Variants in SCHIP1 observed in about 807,000 individuals in gnomAD.
SCHIP1 encodes schwannomin-interacting protein 1.
A neutral mutation model predicts 29.7 loss-of-function variants in SCHIP1; 8 were observed. The observed-to-expected ratio is 0.27, with a 90% CI of 0.16 to 0.49. The LOEUF is 0.49. Ranked by LOEUF, SCHIP1 falls within the 20% of genes least tolerant of loss-of-function variation. The pLI is 0.99. For synonymous variants in SCHIP1, 76 were observed against 94.9 expected, an observed-to-expected ratio of 0.80 and a Z score of 1.16; for missense variants, 193 against 294.6, an observed-to-expected ratio of 0.66 and a Z score of 2.52.
chr3:159,716,322 C>G, the SCHIP1 span, among the ~76,000 whole-genome samples: 1 of 152,222 alleles, frequency 6.6e-6, no homozygotes, highest in Non-Finnish European at 1.5e-5. Flanking sequence ...ACCATTGATG[C>G]TAGCAAGACA....
the SCHIP1 span, among the ~76,000 whole-genome samples, chr3:159,800,522 C>T: frequency 6.6e-6 from 1 of 152,168 alleles, no homozygotes; most frequent in Admixed American, 6.5e-5. Context: ...AGAACGTGAA[C>T]TTTGCATCAA....
chr3:159,465,272 A>G, the SCHIP1 span, among the ~76,000 whole-genome samples: 1 of 151,452 alleles, frequency 6.6e-6, no homozygotes, highest in East Asian at 1.9e-4. Context: ...TTTAATGTGC[A>G]TTGTAATGCT....
the SCHIP1 span, among the ~76,000 whole-genome samples, chr3:159,523,099 C>T: frequency 6.6e-6 from 1 of 152,178 alleles, no homozygotes; most frequent in Non-Finnish European, 1.5e-5. Context: ...TCTGTATTAA[C>T]TTGAAGCAAA....
intron 1 of SCHIP1, among the ~76,000 whole-genome samples, chr3:159,846,830 G>C (rs1325251324): frequency 6.6e-6 from 1 of 151,946 alleles, no homozygotes; most frequent in African/African-American, 2.4e-5. Flanking sequence ...CAAAGAGGGA[G>C]TAACCTTTGA....
At chr3:159,756,172 C>T in the SCHIP1 span, among the ~76,000 whole-genome samples, 4 of 152,258 alleles carry the variant, frequency 2.6e-5, no homozygotes, top group Admixed American at 6.5e-5. Context: ...CCCTTCCACA[C>T]TGCCATAGCA....
the SCHIP1 span, among the ~76,000 whole-genome samples, chr3:159,788,215 A>G: frequency 2.6e-5 from 4 of 152,144 alleles, no homozygotes; most frequent in Admixed American, 6.5e-5. Flanking sequence ...CACCTTCTTT[A>G]GATTAAGGTA....
chr3:159,486,487 T>C, the SCHIP1 span, among the ~76,000 whole-genome samples: 1 of 152,164 alleles, frequency 6.6e-6, no homozygotes, highest in Non-Finnish European at 1.5e-5. Context: ...TTAAGATTAA[T>C]ATTTCACTGG....
chr3:159,881,281 TA>T (rs1472859195), intron 2 of SCHIP1, among the ~76,000 whole-genome samples: 2 of 152,202 alleles, frequency 1.3e-5, no homozygotes, highest in Admixed American at 6.5e-5. Context: ...AGATATAGTA[TA>T]AAAATATAGG....
At chr3:159,549,368 C>T in the SCHIP1 span, among the ~76,000 whole-genome samples, 1 of 152,094 alleles carries the variant, frequency 6.6e-6, no homozygotes, top group African/African-American at 2.4e-5. Flanking sequence ...TGTCCCCCCA[C>T]AAAATTTATA....
chr3:159,378,823 C>T, the SCHIP1 span, among the ~76,000 whole-genome samples: 1 of 152,194 alleles, frequency 6.6e-6, no homozygotes, highest in Admixed American at 6.5e-5. Context: ...TAATAATGCC[C>T]AAACCTAAAT....
At chr3:159,730,144 T>A in the SCHIP1 span, among the ~76,000 whole-genome samples, 1 of 152,306 alleles carries the variant, frequency 6.6e-6, no homozygotes, top group South Asian at 2.1e-4. Context: ...CTATATGAAG[T>A]GGAGTCCTTT....
the SCHIP1 span, among the ~76,000 whole-genome samples, chr3:159,375,108 A>C: frequency 4.6e-5 from 7 of 152,308 alleles, no homozygotes; most frequent in African/African-American, 1.4e-4. Context: ...GCCAAATTAC[A>C]CCCATGGCTA....
At chr3:159,537,536 A>C in the SCHIP1 span, among the ~76,000 whole-genome samples, 10 of 151,940 alleles carry the variant, frequency 6.6e-5, no homozygotes, top group African/African-American at 2.2e-4. Context: ...TCTTATTATA[A>C]ATTTTTGCTA....
At chr3:159,655,903 A>T in the SCHIP1 span, among the ~76,000 whole-genome samples, 1 of 152,176 alleles carries the variant, frequency 6.6e-6, no homozygotes, top group African/African-American at 2.4e-5. Flanking sequence ...GAAAAAAAAT[A>T]AAAGTAAAGA....
At chr3:159,653,161 A>C in the SCHIP1 span, among the ~76,000 whole-genome samples, 16 of 152,218 alleles carry the variant, frequency 1.1e-4, no homozygotes, top group Non-Finnish European at 1.8e-4. Context: ...TAGTTTAACC[A>C]TTGTGGAAGA....
the SCHIP1 span, among the ~76,000 whole-genome samples, chr3:159,651,112 A>G: frequency 4.6e-5 from 7 of 152,228 alleles, no homozygotes; most frequent in Non-Finnish European, 8.8e-5. Context: ...TAAGCATTAC[A>G]TAAGTGTTAT....
At position 159,861,370 on chromosome 3, in the gene SCHIP1, C is replaced by G. The variant is rs1413864153; in HGVS notation, c.31-4793C>G. On this transcript the variant is annotated intron_variant, in intron 1 of 6. Coordinates refer to ENST00000445224, the Ensembl canonical transcript of SCHIP1. This position sits in a 1 kb window ranked among gnomAD's most constrained non-coding sequence, Gnocchi z 4.1. ...ACCTACCCATGCTGAACATTTTGCT[C>G]TTTATTTCATTACTGAATGCCCCTC... 6.6e-6 allele frequency among the ~76,000 whole-genome samples: 1 copy of G among 152,168 alleles called. No individual in the cohort carries two copies. Among genetic ancestry groups the G allele is most frequent in the African/African-American group, 2.4e-5 (1 of 41,444 alleles).
At chr3:159,306,231 C>T in the SCHIP1 span, among the ~76,000 whole-genome samples, 1 of 152,206 alleles carries the variant, frequency 6.6e-6, no homozygotes, top group African/African-American at 2.4e-5. Context: ...AACAACTGCT[C>T]TCTGAATAAA....
the SCHIP1 span, among the ~76,000 whole-genome samples, chr3:159,594,073 G>C: frequency 6.6e-6 from 1 of 152,220 alleles, no homozygotes; most frequent in Non-Finnish European, 1.5e-5. Context: ...CCCCTGTGTA[G>C]GGAAAGGAAC....
Sources: allele counts gnomAD v4.1 joint callset (sites outside exome capture counted in the v4.1 genomes callset), GRCh38; gene constraint gnomAD v4.1.1; non-coding constraint Gnocchi (gnomAD v3.1); transcripts MANE v1.5; gene names NCBI Gene and HGNC (gene_info 2026-07-23, HGNC 2026-07-21).